PTPRD: variants seen among roughly 807,000 people sequenced by gnomAD.
PTPRD encodes receptor-type tyrosine-protein phosphatase delta.
A neutral mutation model predicts 214.5 loss-of-function variants in PTPRD; 34 were observed. The ratio of observed to expected loss-of-function variants is 0.16; its 90% confidence interval spans 0.12 to 0.21. The LOEUF is 0.21. Among genes scored for constraint, PTPRD ranks in the 10% least tolerant of loss-of-function variants. PTPRD has a pLI of 1.00. For missense variants in PTPRD, 2,545 were observed against 2,398.7 expected (o/e 1.06, Z -1.27); for synonymous variants, 1,128 against 845.7 (o/e 1.33, Z -5.79).
chr9:8,704,502 G>C (rs1207085364), intron 12 of PTPRD, among the ~76,000 whole-genome samples: 1 of 152,142 alleles, frequency 6.6e-6, no homozygotes, highest in African/African-American at 2.4e-5. Context: ...ATTACGTAGA[G>C]TATCATGAAC....
chr9:9,655,399 G>A lies in PTPRD; in HGVS notation c.-287+79134C>T, dbSNP rs528494146. Reference sequence around the variant, plus strand: ...ATTCTGACCAATATGGTGAAACCCCGTCTGTACTAAAATACAAAAATTAGC... The same window carrying A: ...ATTCTGACCAATATGGTGAAACCCCATCTGTACTAAAATACAAAAATTAGC... On this transcript the variant is annotated intron_variant, in intron 7 of 45. Transcript: ENST00000381196. 4.6e-5 allele frequency among the ~76,000 whole-genome samples: 7 copies of A among 151,530 alleles called. No homozygotes were observed. In the East Asian group the frequency reaches 5.9e-4, roughly 13 times the overall value.
chr9:10,530,141 C>A (rs971749847), intron 2 of PTPRD, among the ~76,000 whole-genome samples: 8 of 152,114 alleles, frequency 5.3e-5, no homozygotes, highest in Non-Finnish European at 1.0e-4. Flanking sequence ...ACTGTTTAGA[C>A]AATACATCTT....
At chr9:8,343,189 G>A (rs1056282031) in intron 39 of PTPRD, among the ~76,000 whole-genome samples, 1 of 151,984 alleles carries the variant, frequency 6.6e-6, no homozygotes, top group East Asian at 1.9e-4. Flanking sequence ...TTTAACTGCT[G>A]AACAGTGTAT....
intron 3 of PTPRD, among the ~76,000 whole-genome samples, chr9:10,086,114 G>T (rs1254207312): frequency 1.3e-5 from 2 of 151,748 alleles, no homozygotes; most frequent in African/African-American, 2.4e-5. Context: ...ATTGATAAAG[G>T]TTTTAGCATA....
At chr9:8,524,098 C>A (rs1259028004) in intron 18 of PTPRD, among the ~76,000 whole-genome samples, 1 of 148,856 alleles carries the variant, frequency 6.7e-6, no homozygotes, top group African/African-American at 2.5e-5. Flanking sequence ...ACTACAGGAA[C>A]TGGCTTTGAG....
chr9:8,466,661 G>A (rs1012835475), intron 31 of PTPRD, among the ~76,000 whole-genome samples: 2 of 151,832 alleles, frequency 1.3e-5, no homozygotes, highest in South Asian at 2.1e-4. Flanking sequence ...CAGTCTTTTC[G>A]CCATTTTCTT....
chr9:10,473,638 T>C (rs2099045054), intron 2 of PTPRD, among the ~76,000 whole-genome samples: 1 of 152,064 alleles, frequency 6.6e-6, no homozygotes, highest in Non-Finnish European at 1.5e-5. Flanking sequence ...TCATTTCTGA[T>C]TGACATTTTT....
intron 9 of PTPRD, among the ~76,000 whole-genome samples, chr9:9,209,434 A>T (rs1439605321): frequency 2.6e-5 from 4 of 152,198 alleles, no homozygotes. Flanking sequence ...TGTTAAAGAC[A>T]TTATAAGGTA....
intron 7 of PTPRD, among the ~76,000 whole-genome samples, chr9:9,672,801 A>T (rs1564456899): frequency 6.6e-6 from 1 of 152,120 alleles, no homozygotes; most frequent in Non-Finnish European, 1.5e-5. Flanking sequence ...ATCTAGACAT[A>T]CGACCTAAAT....
intron 31 of PTPRD, among the ~76,000 whole-genome samples, chr9:8,468,159 A>G (rs1411695489): frequency 6.6e-6 from 1 of 151,972 alleles, no homozygotes; most frequent in Non-Finnish European, 1.5e-5. Context: ...CTTAGACCCA[A>G]TGCAGTCATT....
chr9:9,352,775 AT>A (rs924291562), intron 9 of PTPRD, among the ~76,000 whole-genome samples: 1 of 151,966 alleles, frequency 6.6e-6, no homozygotes, highest in African/African-American at 2.4e-5. Flanking sequence ...CAGAGTTGTA[AT>A]AATTTTAAAT....
At chr9:10,422,093 G>A (rs1031277133) in intron 2 of PTPRD, among the ~76,000 whole-genome samples, 7 of 152,034 alleles carry the variant, frequency 4.6e-5, no homozygotes, top group Middle Eastern at 6.8e-3. Context: ...AAACAGCGTG[G>A]TACTGGTACC....
At chr9:10,249,039 A>G (rs2092513885) in intron 3 of PTPRD, among the ~76,000 whole-genome samples, 1 of 152,096 alleles carries the variant, frequency 6.6e-6, no homozygotes, top group East Asian at 1.9e-4. Context: ...TGCTCCTTCA[A>G]TTTCAAGCAA....
intron 3 of PTPRD, among the ~76,000 whole-genome samples, chr9:10,326,028 C>A (rs552493793): frequency 2.6e-4 from 39 of 151,780 alleles, no homozygotes; most frequent in African/African-American, 9.4e-4. Flanking sequence ...TTTGTCCAAA[C>A]CGAGATTTTG....
chr9:10,198,686 G>T (rs975824954), intron 3 of PTPRD, among the ~76,000 whole-genome samples: 1 of 152,032 alleles, frequency 6.6e-6, no homozygotes, highest in Non-Finnish European at 1.5e-5. Context: ...CAACTGAAAA[G>T]GTTTACTTAA....
At chr9:9,078,133 C>T (rs569996280) in intron 10 of PTPRD, among the ~76,000 whole-genome samples, 5 of 151,720 alleles carry the variant, frequency 3.3e-5, no homozygotes, top group African/African-American at 9.7e-5. Flanking sequence ...CTTTGGAATA[C>T]AAAAAAGAAC....
chr9:10,471,273 T>C (rs1588940408), intron 2 of PTPRD, among the ~76,000 whole-genome samples: 1 of 152,158 alleles, frequency 6.6e-6, no homozygotes, highest in East Asian at 1.9e-4. Context: ...TATGCACATG[T>C]ATCCCGGAAC....
chr9:8,497,250 T>C lies in PTPRD; in HGVS notation c.2341A>G (p.Thr781Ala), dbSNP rs72694737. ...ADAQWEFDDT[T>A]EHDMIISGLQ... ...AGTCAAAAATTACTCACATGTTCAG[T>C]AGTATCATCAAATTCCCACTGATTG... Residue 781 changes from threonine to alanine, a missense_variant, in exon 26 of 46, where the codon ACT becomes GCT. Transcript: ENST00000381196. 0.027 allele frequency: 43,648 copies of C among 1,593,570 alleles called. 718 individuals carry two copies. The highest frequency in any genetic ancestry group is 0.031 in the Non-Finnish European group (35,961 of 1,172,300).
chr9:8,610,305 T>C (rs908003286), intron 14 of PTPRD, among the ~76,000 whole-genome samples: 1 of 152,192 alleles, frequency 6.6e-6, no homozygotes, highest in Non-Finnish European at 1.5e-5. Context: ...GTTCGGCACA[T>C]ATTAAATACT....
Sources: allele counts gnomAD v4.1 joint callset (sites outside exome capture counted in the v4.1 genomes callset), GRCh38; gene constraint gnomAD v4.1.1; transcripts MANE v1.5; gene names NCBI Gene and HGNC (gene_info 2026-07-23, HGNC 2026-07-21).